The following UBE2G1 variants were observed in gnomAD, a reference collection of about 807,000 sequenced individuals.
UBE2G1 encodes the protein ubiquitin-conjugating enzyme E2 G1.
Under a neutral mutation model 22.7 loss-of-function variants are expected in UBE2G1, and 5 were observed. The observed-to-expected ratio is 0.22, with a 90% confidence interval of 0.12 to 0.46. UBE2G1 has a LOEUF of 0.46. Among genes scored for constraint, UBE2G1 ranks in the 20% least tolerant of loss-of-function variants. The pLI is 0.99. For missense variants in UBE2G1, 88 were observed against 203.9 expected (o/e 0.43, Z 3.46); for synonymous variants, 74 against 67.5 (o/e 1.10, Z -0.47).
At chr17:4,358,411 G>A (rs962957203) in intron 1 of UBE2G1, among the ~76,000 whole-genome samples, 3 of 151,718 alleles carry the variant, frequency 2.0e-5, no homozygotes, top group African/African-American at 7.3e-5. Flanking sequence ...AACTACAGAT[G>A]AGAGCCACCA....
chr17:4,348,414 G>A (rs896672650), intron 1 of UBE2G1, among the ~76,000 whole-genome samples: 111 of 150,656 alleles, frequency 7.4e-4, no homozygotes, highest in South Asian at 8.4e-4. Flanking sequence ...TTAGCCGGGC[G>A]TAGTGGCGGG....
chr17:4,314,738 T>A (rs993615226), intron 1 of UBE2G1, among the ~76,000 whole-genome samples: 1 of 152,118 alleles, frequency 6.6e-6, no homozygotes, highest in African/African-American at 2.4e-5. Flanking sequence ...CCACCACATA[T>A]GAAGTAATCT....
intron 2 of UBE2G1, among the ~76,000 whole-genome samples, chr17:4,297,901 G>C (rs1034326943): frequency 6.6e-6 from 1 of 152,160 alleles, no homozygotes; most frequent in Non-Finnish European, 1.5e-5. Context: ...AGTGAGAAAT[G>C]AAATTCTCAG....
chr17:4,308,247 G>A (rs1969269508), intron 1 of UBE2G1, among the ~76,000 whole-genome samples: 2 of 152,206 alleles, frequency 1.3e-5, no homozygotes, highest in Non-Finnish European at 2.9e-5. Flanking sequence ...CAGTTACTCG[G>A]GAGGCTGAGG....
At chr17:4,325,057 A>G (rs1969488153) in intron 1 of UBE2G1, among the ~76,000 whole-genome samples, 2 of 152,078 alleles carry the variant, frequency 1.3e-5, no homozygotes, top group Non-Finnish European at 2.9e-5. Flanking sequence ...AGCCTGGGGG[A>G]CAGAGCGAGA....
chr17:4,287,316 C>T (rs1206518561), intron 4 of UBE2G1, among the ~76,000 whole-genome samples: 1 of 151,298 alleles, frequency 6.6e-6, no homozygotes, highest in Non-Finnish European at 1.5e-5. Flanking sequence ...TTTGGCCAGG[C>T]TGGTCTCGAA....
chr17:4,332,779 T>A (rs1245461874), intron 1 of UBE2G1, among the ~76,000 whole-genome samples: 1 of 152,220 alleles, frequency 6.6e-6, no homozygotes, highest in East Asian at 1.9e-4. Context: ...GCCCTTGTGC[T>A]TGCCTCACCT....
At chr17:4,330,103 G>A (rs1426987675) in intron 1 of UBE2G1, among the ~76,000 whole-genome samples, 1 of 152,086 alleles carries the variant, frequency 6.6e-6, no homozygotes, top group Admixed American at 6.5e-5. Flanking sequence ...ACCACCCAGA[G>A]CCATGAGTCA....
chr17:4,309,385 T>A (rs575985190), intron 1 of UBE2G1, among the ~76,000 whole-genome samples: 1 of 152,250 alleles, frequency 6.6e-6, no homozygotes, highest in Non-Finnish European at 1.5e-5. Flanking sequence ...ATAGTTAAAA[T>A]CAGCTCTGTA....
At chr17:4,335,432 C>A (rs537342480) in intron 1 of UBE2G1, 1 of 152,132 alleles carries the variant, frequency 6.6e-6, no homozygotes, top group African/African-American at 2.4e-5. Context: ...GAAAGGGAAA[C>A]GTAACCCAAA....
rs1433120485 is a variant in UBE2G1, at chr17:4,270,245, A to G, written c.*2309T>C. The G allele has an allele frequency of 6.6e-6, 1 of 152,654 alleles. No homozygotes were observed. The highest frequency in any genetic ancestry group is 2.4e-5 in the African/African-American group (1 of 41,462). The allele number at this position is 152,654 out of a possible 1,614,324, so 9.5% of individuals were successfully genotyped here. ...CTAGGTCATTTGCTGCTTGCTGAAG[A>G]GTCAGATCCCAAGTTTCACCTCAAC... On this transcript the variant is annotated 3_prime_UTR_variant, in exon 6 of 6. Coordinates refer to ENST00000396981, the MANE Select transcript of UBE2G1 (RefSeq NM_003342.5).
chr17:4,276,768 G>C (rs774598158), intron 5 of UBE2G1, among the ~76,000 whole-genome samples: 1 of 152,164 alleles, frequency 6.6e-6, no homozygotes, highest in African/African-American at 2.4e-5. Context: ...GGTTTGTCAG[G>C]AGGTGCTCTC....
At chr17:4,325,731 AT>A (rs1278999653) in intron 1 of UBE2G1, among the ~76,000 whole-genome samples, 5 of 152,220 alleles carry the variant, frequency 3.3e-5, no homozygotes, top group Admixed American at 6.5e-5. Context: ...CAAAACGACA[AT>A]AATCAAAACA....
intron 1 of UBE2G1, among the ~76,000 whole-genome samples, chr17:4,350,704 T>C (rs979882752): frequency 6.6e-6 from 1 of 152,078 alleles, no homozygotes; most frequent in Non-Finnish European, 1.5e-5. Context: ...TCTTCGCCAT[T>C]CCAACAGAGA....
intron 3 of UBE2G1, among the ~76,000 whole-genome samples, chr17:4,289,996 G>C (rs1031248049): frequency 6.6e-6 from 1 of 152,046 alleles, no homozygotes; most frequent in Non-Finnish European, 1.5e-5. Context: ...CGACACTCAA[G>C]AGGCCTCCTT....
In UBE2G1 at chr17:4,272,362, T is replaced by G. The variant is rs1159838019; in HGVS notation, c.*192A>C. Reference sequence around the variant, plus strand: ...AGAATTCAAAATGCGTAATCATCTGTAAGTTGGCACTTGTTAGGCTCTTGT... The same window carrying G: ...AGAATTCAAAATGCGTAATCATCTGGAAGTTGGCACTTGTTAGGCTCTTGT... On this transcript the variant is annotated 3_prime_UTR_variant, in exon 6 of 6. Transcript: ENST00000396981. The G allele has an allele frequency of 1.1e-5, 2 of 185,308 alleles. No homozygotes were observed. The highest frequency in any genetic ancestry group is 2.3e-5 in the Non-Finnish European group (2 of 87,964). 11.5% of individuals were successfully genotyped at this position (185,308 alleles called of 1,614,324 possible).
chr17:4,317,753 A>G (rs1969392448), intron 1 of UBE2G1, among the ~76,000 whole-genome samples: 1 of 152,228 alleles, frequency 6.6e-6, no homozygotes, highest in Non-Finnish European at 1.5e-5. Flanking sequence ...CAGCTTCTTC[A>G]ATCACAGGCG....
intron 1 of UBE2G1, among the ~76,000 whole-genome samples, chr17:4,337,319 T>TAAA (rs71383549): frequency 1.7e-3 from 120 of 69,430 alleles, no homozygotes; most frequent in African/African-American, 8.3e-3. Context: ...CTAATCTGTG[T>TAAA]AAAAAAAAAA....
intron 1 of UBE2G1, among the ~76,000 whole-genome samples, chr17:4,342,806 G>A (rs565068162): frequency 2.0e-4 from 31 of 152,174 alleles, no homozygotes; most frequent in African/African-American, 2.9e-4. Context: ...AAAACCTCAC[G>A]GGTACCTCAC....
Sources: gnomAD v4.1 joint callset for allele counts (sites outside exome capture counted in the v4.1 genomes callset) on GRCh38, gnomAD v4.1.1 for gene constraint, MANE v1.5 for transcripts, NCBI Gene and HGNC (gene_info 2026-07-23, HGNC 2026-07-21) for gene names.